SH3BGRL2: variants seen among roughly 807,000 people sequenced by gnomAD.
SH3BGRL2 encodes the protein SH3 domain binding glutamate rich protein like 2.
SH3BGRL2 carries 21 observed loss-of-function variants against 14.8 expected under a neutral mutation model. The observed-to-expected ratio is 1.42, with a 90% CI of 1.01 to 2.05. The LOEUF is 2.05. Ranked by LOEUF, SH3BGRL2 falls within the 30% of genes most tolerant of loss-of-function variation. The pLI is 0.00. For missense variants in SH3BGRL2, 147 were observed against 130.8 expected (o/e 1.12, Z -0.61); for synonymous variants, 50 against 47.8 (o/e 1.05, Z -0.19).
the SH3BGRL2 span, among the ~76,000 whole-genome samples, chr6:79,577,978 TGGACC>T: frequency 6.6e-6 from 1 of 152,248 alleles, no homozygotes; most frequent in Non-Finnish European, 1.5e-5. Context: ...CTCCTGTGCC[TGGACC>T]GGTGGGTCCC....
chr6:79,668,456 C>T lies in SH3BGRL2; in HGVS notation c.46-5158C>T, dbSNP rs147819041. ...CCCAGGGCCCTGTGGGGGTGAGTCA[C>T]GAGGGCTTGGGTGCAGGCATTGGGG... is the stretch of plus-strand genomic sequence containing the variant. On this transcript the variant is annotated intron_variant, in intron 1 of 3. Coordinates refer to ENST00000369838, the MANE Select transcript of SH3BGRL2 (RefSeq NM_031469.4). Among the ~76,000 whole-genome samples, 747 of 152,068 alleles carry T rather than the reference C, an allele frequency of 4.9e-3. 3 individuals carry two copies. The highest frequency in any genetic ancestry group is 7.2e-3 in the Non-Finnish European group (487 of 67,976).
the SH3BGRL2 span, among the ~76,000 whole-genome samples, chr6:79,568,143 T>A: frequency 2.0e-5 from 3 of 152,058 alleles, no homozygotes; most frequent in Non-Finnish European, 4.4e-5. Context: ...CCAACCCCCT[T>A]TGAGAATAAT....
At chr6:79,639,456 G>A (rs1357932266) in intron 1 of SH3BGRL2, among the ~76,000 whole-genome samples, 1 of 152,064 alleles carries the variant, frequency 6.6e-6, no homozygotes, top group East Asian at 1.9e-4. Flanking sequence ...GGGCATGGTG[G>A]CATGTGCCTG....
the SH3BGRL2 span, among the ~76,000 whole-genome samples, chr6:79,600,807 G>C: frequency 2.3e-4 from 35 of 152,228 alleles, no homozygotes; most frequent in African/African-American, 7.9e-4. Context: ...TGGGTTCCCA[G>C]CTTCTTTTGC....
chr6:79,562,693 C>T, the SH3BGRL2 span, among the ~76,000 whole-genome samples: 19,578 of 152,194 alleles, frequency 0.13, 1,414 homozygotes, highest in African/African-American at 0.16. Flanking sequence ...TTCATACTGT[C>T]TGTACTGGGA....
At chr6:79,678,111 A>G (rs1769920780) in intron 2 of SH3BGRL2, among the ~76,000 whole-genome samples, 1 of 152,142 alleles carries the variant, frequency 6.6e-6, no homozygotes, top group African/African-American at 2.4e-5. Flanking sequence ...ATTTCTGTAT[A>G]TAATTTTTCT....
At chr6:79,673,068 A>T (rs1769803662) in intron 1 of SH3BGRL2, among the ~76,000 whole-genome samples, 7 of 146,656 alleles carry the variant, frequency 4.8e-5, no homozygotes, top group Admixed American at 4.7e-4. Context: ...AACATCTCAG[A>T]TAGTCTATAC....
chr6:79,618,440 G>T, the SH3BGRL2 span, among the ~76,000 whole-genome samples: 12 of 152,188 alleles, frequency 7.9e-5, no homozygotes, highest in Non-Finnish European at 1.6e-4. Context: ...AGGCGCCGTG[G>T]CTCTTGCCTG....
At chr6:79,641,720 C>T (rs1769037131) in intron 1 of SH3BGRL2, among the ~76,000 whole-genome samples, 1 of 152,078 alleles carries the variant, frequency 6.6e-6, no homozygotes, top group African/African-American at 2.4e-5. Context: ...TTTTCTGTAT[C>T]ATAATCATCT....
chr6:79,631,208 G>A, upstream of SH3BGRL2: 1 of 383,646 alleles, frequency 2.6e-6, no homozygotes, highest in Non-Finnish European at 4.6e-6. Context: ...TCCAGGGAGA[G>A]ACGGAAACTA....
At chr6:79,645,447 G>T (rs1023681247) in intron 1 of SH3BGRL2, among the ~76,000 whole-genome samples, 9 of 152,096 alleles carry the variant, frequency 5.9e-5, no homozygotes, top group African/African-American at 1.9e-4. Context: ...TGGCATCTTG[G>T]CATGGATCCA....
At chr6:79,612,219 TG>T in the SH3BGRL2 span, among the ~76,000 whole-genome samples, 1 of 152,020 alleles carries the variant, frequency 6.6e-6, no homozygotes, top group South Asian at 2.1e-4. Flanking sequence ...GAGAATCACT[TG>T]AACTCAGGAG....
chr6:79,699,073 C>T (rs1263196954), intron 3 of SH3BGRL2, among the ~76,000 whole-genome samples: 4 of 146,420 alleles, frequency 2.7e-5, no homozygotes, highest in Admixed American at 6.9e-5. Flanking sequence ...GGGGAGGGTG[C>T]GCAGGGGTGG....
chr6:79,585,758 CT>C, the SH3BGRL2 span, among the ~76,000 whole-genome samples: 6,705 of 144,938 alleles, frequency 0.046, 173 homozygotes, highest in Middle Eastern at 0.096. Flanking sequence ...ATGTAATTTA[CT>C]TTTTTGCTTT....
chr6:79,597,391 GAGGAAGGA>G, the SH3BGRL2 span, among the ~76,000 whole-genome samples: 1 of 151,290 alleles, frequency 6.6e-6, no homozygotes, highest in Admixed American at 6.6e-5. Flanking sequence ...GGGAAGGAAG[GAGGAAGGA>G]AGGAAGGAAG....
intron 1 of SH3BGRL2, among the ~76,000 whole-genome samples, chr6:79,672,403 GTTC>G (rs1402103969): frequency 2.6e-5 from 4 of 151,878 alleles, no homozygotes; most frequent in African/African-American, 9.7e-5. Flanking sequence ...ATATAAATGC[GTTC>G]TTATTTTTCT....
At chr6:79,696,452 G>A in intron 2 of SH3BGRL2, 33 bp from the exon 3 acceptor site, 1 of 1,449,344 alleles carries the variant, frequency 6.9e-7, no homozygotes, top group South Asian at 1.3e-5. Context: ...GTTTGCTTTT[G>A]TTGGTTTATT....
At chr6:79,677,447 C>T (rs952687939) in intron 2 of SH3BGRL2, among the ~76,000 whole-genome samples, 1 of 152,068 alleles carries the variant, frequency 6.6e-6, no homozygotes, top group Non-Finnish European at 1.5e-5. Context: ...CCTGGCATGA[C>T]CAATCAGTTT....
At chr6:79,551,420 T>C in the SH3BGRL2 span, among the ~76,000 whole-genome samples, 1 of 151,516 alleles carries the variant, frequency 6.6e-6, no homozygotes, top group Non-Finnish European at 1.5e-5. Context: ...AGAAGTATCA[T>C]CAATGCTGTG....
Sources: gnomAD v4.1 joint callset for allele counts (sites outside exome capture counted in the v4.1 genomes callset) on GRCh38, gnomAD v4.1.1 for gene constraint, MANE v1.5 for transcripts, NCBI Gene and HGNC (gene_info 2026-07-23, HGNC 2026-07-21) for gene names.